Variants in GDPD2 observed in about 807,000 individuals in gnomAD.
GDPD2 encodes the protein glycerophosphodiester phosphodiesterase domain containing 2.
Under a neutral mutation model 49.2 loss-of-function variants are expected in GDPD2, and 23 were observed. That is an observed-to-expected ratio of 0.47 (90% CI 0.34 to 0.66). GDPD2 has a LOEUF of 0.66. GDPD2 is among the 30% of genes least tolerant of loss of function. GDPD2 has a pLI of 0.01. For missense variants in GDPD2, 338 were observed against 424.7 expected, an observed-to-expected ratio of 0.80 and a Z score of 1.79; for synonymous variants, 167 against 171.4, an observed-to-expected ratio of 0.97 and a Z score of 0.20.
chrX:70,430,676 C>A (rs767770681), intron 12 of GDPD2, among the ~76,000 whole-genome samples: 4 of 112,156 alleles, frequency 3.6e-5, no homozygotes, highest in African/African-American at 1.3e-4. Context: ...CCCAGCTGAA[C>A]CATGACAGAC....
Position 70,427,298 on chromosome X carries a change from C to A in GDPD2, c.786-15C>A. On this transcript the variant is annotated splice_polypyrimidine_tract_variant and intron_variant, in intron 9 of 15. Coordinates refer to ENST00000374382, the MANE Select transcript of GDPD2 (RefSeq NM_017711.4). Reference sequence around the variant, plus strand: ...GCCCCAGAGCTTGGCCCTCTGACACCCCTTGTGCCCTCAGCTCCGATGGGG... The same window carrying A: ...GCCCCAGAGCTTGGCCCTCTGACACACCTTGTGCCCTCAGCTCCGATGGGG... The A allele has an allele frequency of 1.7e-6, 2 of 1,209,775 alleles. No individual in the cohort carries two copies.
In GDPD2 at chrX:70,429,683, C is replaced by T. The variant is rs751318015; in HGVS notation, c.1127C>T (p.Thr376Ile). The change falls in exon 11 of 16, where the codon ACT becomes ATT. Residue 376 changes from threonine (T) to isoleucine (I), a missense_variant. Physicochemically the swap from Thr to Ile is moderately conservative, Grantham distance 89. Transcript: ENST00000374382. ...ACTTTTGTGATCCAGACATTGGAGA[C>T]TGTGCTGAATGCAAGGGTGCCCCAA... ...YDTFVIQTLE[T>I]VLNARVPQAM... The T allele has an allele frequency of 8.3e-7, 1 of 1,207,784 alleles. No individual in the cohort carries two copies. The highest frequency in any genetic ancestry group is 1.1e-6 in the Non-Finnish European group (1 of 892,083).
rs747015341 is a variant in GDPD2 at position 70,427,235 on chromosome X, G to A, written c.785+16G>A. 4 of 1,198,398 alleles carry A rather than the reference G, an allele frequency of 3.3e-6. No individual in the cohort carries two copies. Among genetic ancestry groups the A allele is most frequent in the Non-Finnish European group, 4.5e-6 (4 of 883,341 alleles). On this transcript the variant is annotated intron_variant, in intron 9 of 15. Transcript: ENST00000374382. Reference sequence around the variant, plus strand: ...TGATGGTCAGGTGAGGGAAGCTGGGGCTTAGGGGATCTGGGGGGCTGAAGG... The same window carrying A: ...TGATGGTCAGGTGAGGGAAGCTGGGACTTAGGGGATCTGGGGGGCTGAAGG...
At position 70,424,412 on chromosome X, in the gene GDPD2, A is replaced by T. The variant is rs779814842; in HGVS notation, c.-9-564A>T. 2.7e-5 allele frequency among the ~76,000 whole-genome samples: 3 copies of T among 111,670 alleles called. No individual in the cohort carries two copies. The East Asian group carries it at 8.5e-4, about 32-fold the overall frequency. On this transcript the variant is annotated intron_variant, in intron 1 of 15. Transcript: ENST00000374382. ...ACAGAGAATCTTTCAGGGATTTGTG[A>T]TCTGAATAATCTCTATAACCATAGC...
chrX:70,426,003 C>T (rs368771003), intron 4 of GDPD2, 49 bp from the exon 5 acceptor site: 14 of 1,085,623 alleles, frequency 1.3e-5, no homozygotes, highest in Non-Finnish European at 1.8e-5. Flanking sequence ...CCTCAGTAAC[C>T]TTGCTCCCCT....
chrX:70,425,065 C>G lies in GDPD2; in HGVS notation c.81C>G (p.Pro27=). 4 of 1,194,314 alleles carry G rather than the reference C, an allele frequency of 3.3e-6. No homozygotes were observed. Among genetic ancestry groups the G allele is most frequent in the Non-Finnish European group, 4.5e-6 (4 of 884,130 alleles). The part of the protein sequence containing the change: ...CLYSCHWRKC[P]RERMQTSKCD... ...ATAGCTGCCACTGGAGGAAATGCCC[C>G]AGAGAGAGGATGCAAACCAGCAAGG... Residue 27 remains proline, a synonymous_variant, in exon 2 of 16, where the codon CCC becomes CCG. Coordinates refer to ENST00000374382, the MANE Select transcript of GDPD2 (RefSeq NM_017711.4).
intron 3 of GDPD2, 114 bp downstream of exon 3, chrX:70,425,571 C>G: frequency 1.7e-6 from 1 of 579,194 alleles, no homozygotes; most frequent in Non-Finnish European, 3.1e-6. Flanking sequence ...GCTGCTCAAA[C>G]CCAGCTCTGC....
At chrX:70,426,571 C>G (rs1323911026) in intron 6 of GDPD2, 77 bp from the exon 7 acceptor site, 2 of 1,028,217 alleles carry the variant, frequency 1.9e-6, no homozygotes, top group Admixed American at 4.8e-5. Context: ...TAGCTCTGAA[C>G]TCCAGCAGTC....
chrX:70,430,642 T>A (rs1455502417), intron 12 of GDPD2, among the ~76,000 whole-genome samples: 1 of 111,727 alleles, frequency 9.0e-6, no homozygotes, highest in Non-Finnish European at 1.9e-5. Flanking sequence ...GAGTCCCAGA[T>A]GTGAGCTGAG....
At chrX:70,425,252 C>CA in intron 2 of GDPD2, 102 bp from the exon 3 acceptor site, 1 of 677,680 alleles carries the variant, frequency 1.5e-6, no homozygotes, top group Non-Finnish European at 2.4e-6. Context: ...CCGAGCAGAG[C>CA]AGCCCAACAC....
In GDPD2 at chrX:70,429,970, T is replaced by C; in HGVS notation, c.1214T>C (p.Met405Thr). 2 of 1,209,513 alleles carry C rather than the reference T, an allele frequency of 1.7e-6. No individual in the cohort carries two copies. The highest frequency in any genetic ancestry group is 2.2e-6 in the Non-Finnish European group (2 of 893,313). Residue 405 changes from methionine (M) to threonine (T), a missense_variant, in exon 12 of 16, where the codon ATG (methionine) becomes ACG (threonine). Transcript: ENST00000374382. ...RANVQRRAPG[M>T]RQIYGRQGGN... ...AATGTCCAACGACGGGCACCTGGAA[T>C]GCGCCAGATATATGGACGTCAGGGA... is the stretch of plus-strand genomic sequence containing the variant.
At chrX:70,423,869 G>A (rs1269190698) in intron 1 of GDPD2, among the ~76,000 whole-genome samples, 2 of 111,387 alleles carry the variant, frequency 1.8e-5, no homozygotes, top group African/African-American at 6.5e-5. Flanking sequence ...AGAGCTCTGA[G>A]GACAAGAGGT....
intron 4 of GDPD2, 35 bp downstream of exon 4, chrX:70,425,891 A>G: frequency 2.1e-6 from 2 of 949,057 alleles, no homozygotes; most frequent in South Asian, 1.9e-5. Context: ...ACCCCACCTC[A>G]GCCTTCCTTC....
intron 10 of GDPD2, among the ~76,000 whole-genome samples, chrX:70,428,156 G>T (rs989933387): frequency 4.5e-5 from 5 of 110,986 alleles, no homozygotes; most frequent in African/African-American, 1.6e-4. Flanking sequence ...TCCACTTAAT[G>T]ATTTTTTTAC....
chrX:70,426,201 CG>C, intron 5 of GDPD2, 90 bp downstream of exon 5: 4 of 887,945 alleles, frequency 4.5e-6, no homozygotes, highest in Middle Eastern at 2.8e-4. Context: ...TTTATACCCC[CG>C]GGGGGTCAAG....
In GDPD2 at chrX:70,424,993, G is replaced by A. The variant is rs773354073; in HGVS notation, c.9G>A (p.Glu3=). ...TCCCCCAGGCCTTCACCATGGCCGA[G>A]TCCCCCGGCTGCTGCTCCGTCTGGG... MA[E]SPGCCSVWAR... The change falls in exon 2 of 16, where the codon GAG becomes GAA. Residue 3 remains glutamate, a synonymous_variant. Coordinates refer to ENST00000374382, the MANE Select transcript of GDPD2 (RefSeq NM_017711.4). 3.4e-6 allele frequency: 4 copies of A among 1,189,441 alleles called. No homozygotes were observed. Among genetic ancestry groups the A allele is most frequent in the Admixed American group, 2.3e-5 (1 of 43,217 alleles).
At chrX:70,424,023 CCGTCT>C (rs1411007378) in intron 1 of GDPD2, among the ~76,000 whole-genome samples, 1 of 111,788 alleles carries the variant, frequency 8.9e-6, no homozygotes, top group African/African-American at 3.3e-5. Context: ...AAATCACATA[CCGTCT>C]CGCGTAGAAT....
chrX:70,427,624 C>T (rs747261504), intron 10 of GDPD2, 161 bp downstream of exon 10: 11 of 423,575 alleles, frequency 2.6e-5, no homozygotes, highest in African/African-American at 1.5e-4. Flanking sequence ...AGGCAGCAGA[C>T]GATTCAGGAA....
chrX:70,425,173 G>C, intron 2 of GDPD2, 84 bp downstream of exon 2: 2 of 716,594 alleles, frequency 2.8e-6, no homozygotes. Context: ...TGTGCTCATA[G>C]ACAGCTTGGG....
Sources: allele counts gnomAD v4.1 joint callset (sites outside exome capture counted in the v4.1 genomes callset), GRCh38; gene constraint gnomAD v4.1.1; transcripts MANE v1.5; gene names NCBI Gene and HGNC (gene_info 2026-07-23, HGNC 2026-07-21).